The following C20orf96 variants were observed in gnomAD, a reference collection of about 807,000 sequenced individuals.
C20orf96 encodes the protein uncharacterized protein C20orf96.
In C20orf96, 57 loss-of-function variants were observed where a neutral mutation model predicts 52.6. That is an observed-to-expected ratio of 1.08 (90% CI 0.88 to 1.35). The LOEUF (loss-of-function observed/expected upper bound fraction) is 1.35. Among genes scored for constraint, C20orf96 ranks in the 40% most tolerant of loss-of-function variants. The pLI is 0.00. For missense variants in C20orf96, 478 were observed against 443.6 expected (o/e 1.08, Z -0.70); for synonymous variants, 168 against 157.2 (o/e 1.07, Z -0.51).
chr20:274,568 C>G (rs956951849), intron 10 of C20orf96, among the ~76,000 whole-genome samples: 6 of 152,130 alleles, frequency 3.9e-5, no homozygotes, highest in African/African-American at 1.2e-4. Context: ...ATGCACCTTA[C>G]CCCTTTCAGT....
At chr20:284,172 G>C in intron 3 of C20orf96, 91 bp from the exon 4 acceptor site, 12 of 887,844 alleles carry the variant, frequency 1.4e-5, no homozygotes, top group Non-Finnish European at 2.1e-5. Context: ...ATGAGAGGAG[G>C]GCCAGACCCC....
At chr20:284,630 C>T (rs1465609886) in intron 3 of C20orf96, among the ~76,000 whole-genome samples, 2 of 152,208 alleles carry the variant, frequency 1.3e-5, no homozygotes, top group African/African-American at 2.4e-5. Context: ...CCAAGGCGGG[C>T]GGATCACCTG....
intron 10 of C20orf96, among the ~76,000 whole-genome samples, chr20:275,569 G>C (rs993965119): frequency 1.3e-5 from 2 of 152,170 alleles, no homozygotes; most frequent in Non-Finnish European, 1.5e-5. Flanking sequence ...CCAGAAACCT[G>C]CCAAGTGAAC....
In C20orf96 at chr20:290,296, G is replaced by C; in HGVS notation, c.32C>G (p.Ser11Cys). MAHVLQKPKH[S>C]GTHSIVQEFQ... ...CTCCTGGACTATGGAGTGAGTCCCA[G>C]AGTGCTTGGGTCTGGAAAGAGTTGG... Residue 11 changes from serine to cysteine, a missense_variant, in exon 2 of 11, where the codon TCT (serine) becomes TGT (cysteine). Transcript: ENST00000360321. 1.2e-6 allele frequency: 2 copies of C among 1,612,910 alleles called. No homozygotes were observed. Among genetic ancestry groups the C allele is most frequent in the Non-Finnish European group, 1.7e-6 (2 of 1,179,476 alleles).
Position 286,925 on chromosome 20 carries a change from G to T in C20orf96, c.187+2634C>A, listed in dbSNP as rs577695937. 3.9e-5 allele frequency among the ~76,000 whole-genome samples: 6 copies of T among 152,286 alleles called. No homozygotes were observed. The South Asian group carries it at 1.0e-3, about 26-fold the overall frequency. On this transcript the variant is annotated intron_variant, in intron 3 of 10. Coordinates refer to ENST00000360321, the MANE Select transcript of C20orf96 (RefSeq NM_153269.3). Reference sequence around the variant, plus strand: ...TGGAATCATCCAGTATGTAACTGTGGGGATTGGCTTTTTTTTACTTGGCAT... The same window carrying T: ...TGGAATCATCCAGTATGTAACTGTGTGGATTGGCTTTTTTTTACTTGGCAT...
intron 3 of C20orf96, among the ~76,000 whole-genome samples, chr20:288,197 T>TTTTTTTTTTTTTTTTTTTTTTA: frequency 6.8e-6 from 1 of 146,310 alleles, no homozygotes; most frequent in South Asian, 2.1e-4. Context: ...TTTTTTTTTT[T>TTTTTTTTTTTTTTTTTTTTTTA]GCCTATGGGT....
In C20orf96 at chr20:288,174, C is replaced by CTTTTTTTTTTTTTTTTTTTTTT. The variant is rs1237648367; in HGVS notation, c.187+1363_187+1384dup. On this transcript the variant is annotated intron_variant, in intron 3 of 10. Coordinates refer to ENST00000360321, the MANE Select transcript of C20orf96 (RefSeq NM_153269.3). ...AAATCATTTCTTTCTTTTTCTTTTT[C>CTTTTTTTTTTTTTTTTTTTTTT]TTTTTTTTTTTTTTTTTTTTTTTGC... is the stretch of plus-strand genomic sequence containing the variant. Among the ~76,000 whole-genome samples the CTTTTTTTTTTTTTTTTTTTTTT allele has an allele frequency of 2.5e-3, 163 of 66,042 alleles. 2 individuals carry two copies. The highest frequency in any genetic ancestry group is 0.016 in the Middle Eastern group (1 of 62). 43.3% of individuals were successfully genotyped at this position (66,042 alleles called of 152,430 possible). A position where few individuals can be genotyped will look rare whatever the true frequency, so the allele number is the denominator to read the frequency against.
At position 279,320 on chromosome 20, in the gene C20orf96, C is replaced by A. The variant is rs1269402981; in HGVS notation, c.317G>T (p.Arg106Met). 2 of 1,603,374 alleles carry A rather than the reference C, an allele frequency of 1.2e-6. No homozygotes were observed. Among genetic ancestry groups the A allele is most frequent in the Non-Finnish European group, 8.5e-7 (1 of 1,177,836 alleles). The part of the protein sequence containing the change: ...AKIWLMKTSL[R>M]SGRAALRELR... ...CTCTCGCAGAGCGGCCCTCCCGCTC[C>A]TGAGCGAGGTCTGCGGGCGGAGGGA... Residue 106 changes from arginine (R) to methionine (M), a missense_variant, in exon 5 of 11, where the codon AGG becomes ATG. Arg to Met is a moderately conservative substitution (Grantham distance 91, BLOSUM62 -1). Transcript: ENST00000360321.
Position 276,899 on chromosome 20 carries a change from C to G in C20orf96, c.826-20G>C. The G allele has an allele frequency of 6.2e-7, 1 of 1,613,828 alleles. No homozygotes were observed. The highest frequency in any genetic ancestry group is 2.2e-5 in the East Asian group (1 of 44,872). ...GGTTTCCTGTGGAGGAAGAAGAGGT[C>G]TGGCCCCCAGGTGCCTCTTCCTGGG... is the stretch of plus-strand genomic sequence containing the variant. On this transcript the variant is annotated intron_variant, in intron 8 of 10. Coordinates refer to ENST00000360321, the MANE Select transcript of C20orf96 (RefSeq NM_153269.3).
chr20:289,699 C>A, intron 2 of C20orf96, 23 bp from the exon 3 acceptor site: 2 of 1,565,314 alleles, frequency 1.3e-6, no homozygotes, highest in Non-Finnish European at 1.8e-6. Context: ...CAATCAGTCA[C>A]ATAGCACCAT....
intron 5 of C20orf96, 63 bp from the exon 6 acceptor site, chr20:278,492 G>T: frequency 7.7e-7 from 1 of 1,298,050 alleles, no homozygotes; most frequent in Non-Finnish European, 1.1e-6. Flanking sequence ...CGGCCACCCA[G>T]CACTTCCTCA....
At chr20:290,120 G>T in intron 2 of C20orf96, 139 bp downstream of exon 2, 1 of 657,222 alleles carries the variant, frequency 1.5e-6, no homozygotes, top group Non-Finnish European at 2.6e-6. Flanking sequence ...GGGTCCCACA[G>T]CAAAGTGTGA....
intron 3 of C20orf96, among the ~76,000 whole-genome samples, chr20:288,421 G>A (rs1244721421): frequency 1.3e-5 from 2 of 151,874 alleles, no homozygotes; most frequent in Non-Finnish European, 2.9e-5. Context: ...GGGATGAGTG[G>A]GGAGGTCATC....
At chr20:289,967 G>A (rs1007680305) in intron 2 of C20orf96, among the ~76,000 whole-genome samples, 1 of 152,210 alleles carries the variant, frequency 6.6e-6, no homozygotes, top group Non-Finnish European at 1.5e-5. Flanking sequence ...AGAACTGTGA[G>A]AAACAGAAGG....
intron 10 of C20orf96, among the ~76,000 whole-genome samples, chr20:272,898 T>A (rs924130336): frequency 3.3e-5 from 5 of 152,234 alleles, no homozygotes; most frequent in Non-Finnish European, 7.3e-5. Flanking sequence ...CCACTTCCCA[T>A]GTTCCCCTGG....
At chr20:279,983 A>G (rs112714738) in intron 4 of C20orf96, among the ~76,000 whole-genome samples, 3,173 of 152,154 alleles carry the variant, frequency 0.021, 46 homozygotes, top group Middle Eastern at 0.065. Context: ...AATAATAATA[A>G]TAATAAACGC....
In C20orf96 at chr20:285,505, G is replaced by A. The variant is rs191795757; in HGVS notation, c.188-1424C>T. On this transcript the variant is annotated intron_variant, in intron 3 of 10. Coordinates refer to ENST00000360321, the MANE Select transcript of C20orf96 (RefSeq NM_153269.3). ...TATATATCCGGTTTTTAGTTGTATT[G>A]TATAAGAGATAGAATGATTAATAGG... Among the ~76,000 whole-genome samples the A allele has an allele frequency of 1.9e-3, 285 of 152,242 alleles. 2 individuals carry two copies. Among genetic ancestry groups the A allele is most frequent in the African/African-American group, 6.6e-3 (272 of 41,508 alleles).
At chr20:288,484 T>C (rs1470629343) in intron 3 of C20orf96, among the ~76,000 whole-genome samples, 2 of 152,138 alleles carry the variant, frequency 1.3e-5, no homozygotes, top group African/African-American at 4.8e-5. Flanking sequence ...TCTAGGGTAG[T>C]GTCAACAGAG....
Position 277,127 on chromosome 20 carries a change from C to G in C20orf96, c.742G>C (p.Gly248Arg). 6.2e-7 allele frequency: 1 copy of G among 1,613,898 alleles called. No individual in the cohort carries two copies. The highest frequency in any genetic ancestry group is 8.5e-7 in the Non-Finnish European group (1 of 1,179,884). Reference protein sequence around the residue: ...DSQQDELDDLGEMRRKVLESL... With the variant: ...DSQQDELDDLREMRRKVLESL... ...TCCAGGACCTTTCTGCGCATCTCAC[C>G]GAGGTCATCCAGCTCATCCTGGGAG... Residue 248 changes from glycine to arginine, a missense_variant, in exon 8 of 11, where the codon GGT (glycine) becomes CGT (arginine). Transcript: ENST00000360321.
Sources: allele counts gnomAD v4.1 joint callset (sites outside exome capture counted in the v4.1 genomes callset), GRCh38; gene constraint gnomAD v4.1.1; transcripts MANE v1.5; gene names NCBI Gene and HGNC (gene_info 2026-07-23, HGNC 2026-07-21).